The following NEDD4L variants were observed in gnomAD, a reference collection of about 807,000 sequenced individuals.
NEDD4L encodes E3 ubiquitin-protein ligase NEDD4-like.
A neutral mutation model predicts 148.9 loss-of-function variants in NEDD4L; 54 were observed. The observed-to-expected ratio is 0.36, with a 90% confidence interval of 0.29 to 0.45. NEDD4L has a LOEUF of 0.45. Ranked by LOEUF, NEDD4L falls within the 20% of genes least tolerant of loss-of-function variation. The pLI is 1.00. For missense variants in NEDD4L, 856 were observed against 1,233.8 expected (o/e 0.69, Z 4.59); for synonymous variants, 433 against 440.7 (o/e 0.98, Z 0.22).
At position 58,394,735 on chromosome 18, in the gene NEDD4L, A is replaced by G. The variant is rs878912061; in HGVS notation, c.2826-1432A>G. Among the ~76,000 whole-genome samples the G allele has an allele frequency of 3.9e-5, 6 of 152,312 alleles. No homozygotes were observed. In the East Asian group the frequency reaches 1.2e-3, roughly 29 times the overall value. ...ACTCAGTGGGACTTATTCAATATTT[A>G]GTGGTTGTTAAACGGCCCTCTACGG... On this transcript the variant is annotated intron_variant, in intron 30 of 30. Coordinates refer to ENST00000400345, the MANE Select transcript of NEDD4L (RefSeq NM_001144967.3).
At chr18:58,070,443 A>AT (rs147788139) in intron 1 of NEDD4L, among the ~76,000 whole-genome samples, 3 of 151,540 alleles carry the variant, frequency 2.0e-5, no homozygotes, top group South Asian at 2.1e-4. Flanking sequence ...TAATCTTTTA[A>AT]TTTTTTTTGT....
rs554821106 is a variant in NEDD4L at position 58,141,481 on chromosome 18, G to T, written c.49-24307G>T. Among the ~76,000 whole-genome samples the T allele has an allele frequency of 3.9e-5, 6 of 152,120 alleles. No individual in the cohort carries two copies. In the East Asian group the frequency reaches 1.2e-3, roughly 29 times the overall value. On this transcript the variant is annotated intron_variant, in intron 1 of 30. Coordinates refer to ENST00000400345, the MANE Select transcript of NEDD4L (RefSeq NM_001144967.3). ...TTGATTCCTTTGAAAGACAATTTTT[G>T]GGTTTTTTTTGTTTTTTTTAAAAAA...
intron 1 of NEDD4L, among the ~76,000 whole-genome samples, chr18:58,084,707 G>GTGTGTGTGTGTGTA (rs1294657103): frequency 6.6e-6 from 1 of 151,442 alleles, no homozygotes; most frequent in Non-Finnish European, 1.5e-5. Context: ...GTGTGTGTGT[G>GTGTGTGTGTGTGTA]TGTTTGAGAC....
intron 1 of NEDD4L, among the ~76,000 whole-genome samples, chr18:58,087,498 C>T (rs1048575788): frequency 6.6e-6 from 1 of 152,152 alleles, no homozygotes; most frequent in Admixed American, 6.5e-5. Flanking sequence ...AGCAAGCATA[C>T]CAATTCCAGT....
At chr18:58,376,937 G>A (rs1466076886) in intron 24 of NEDD4L, among the ~76,000 whole-genome samples, 1 of 152,196 alleles carries the variant, frequency 6.6e-6, no homozygotes, top group African/African-American at 2.4e-5. Context: ...CTCCCTCCCA[G>A]TCTCAGTTCA....
At chr18:58,188,731 A>G (rs1167102512) in intron 2 of NEDD4L, among the ~76,000 whole-genome samples, 2 of 152,276 alleles carry the variant, frequency 1.3e-5, no homozygotes, top group Non-Finnish European at 2.9e-5. Context: ...GAATAATGGA[A>G]GCTAAGCAGA....
At chr18:58,283,552 A>G (rs1413124583) in intron 5 of NEDD4L, among the ~76,000 whole-genome samples, 3 of 152,202 alleles carry the variant, frequency 2.0e-5, no homozygotes, top group African/African-American at 4.8e-5. Flanking sequence ...AAAGACTACA[A>G]TACTATCCCT....
At chr18:58,223,549 CCAGGCA>C (rs2044006985) in intron 2 of NEDD4L, among the ~76,000 whole-genome samples, 1 of 152,118 alleles carries the variant, frequency 6.6e-6, no homozygotes, top group Non-Finnish European at 1.5e-5. Flanking sequence ...ATGTTTCATT[CCAGGCA>C]ATGTTTATTT....
chr18:58,324,180 C>T (rs2059103150), intron 8 of NEDD4L, among the ~76,000 whole-genome samples: 1 of 152,172 alleles, frequency 6.6e-6, no homozygotes, highest in Non-Finnish European at 1.5e-5. Context: ...ATAAGCATGT[C>T]AACAGATTTT....
intron 28 of NEDD4L, 36 bp from the exon 29 acceptor site, chr18:58,390,601 ATGGGTCACG>A: frequency 8.1e-7 from 1 of 1,234,870 alleles, no homozygotes; most frequent in South Asian, 1.3e-5. Flanking sequence ...AGCATGTGCC[ATGGGTCACG>A]TGGGGGGTAT....
intron 1 of NEDD4L, among the ~76,000 whole-genome samples, chr18:58,147,244 G>A (rs983657499): frequency 5.3e-5 from 8 of 152,176 alleles, no homozygotes; most frequent in African/African-American, 1.4e-4. Flanking sequence ...CAATGCAGGC[G>A]GCACTGGTAA....
intron 5 of NEDD4L, among the ~76,000 whole-genome samples, chr18:58,294,144 C>T (rs1175543648): frequency 2.6e-5 from 4 of 152,254 alleles, no homozygotes; most frequent in East Asian, 1.9e-4. Flanking sequence ...GATAAGGAAT[C>T]GATATCACGG....
intron 2 of NEDD4L, among the ~76,000 whole-genome samples, chr18:58,192,004 C>G (rs2040172529): frequency 1.3e-5 from 2 of 152,204 alleles, no homozygotes; most frequent in South Asian, 4.2e-4. Context: ...AACTCCATCT[C>G]TACAAAAAAT....
intron 1 of NEDD4L, among the ~76,000 whole-genome samples, chr18:58,159,377 C>T (rs1049000611): frequency 3.9e-5 from 6 of 152,048 alleles, no homozygotes; most frequent in South Asian, 2.1e-4. Flanking sequence ...AAGAGTGAGC[C>T]CTAAGGTAAA....
intron 1 of NEDD4L, among the ~76,000 whole-genome samples, chr18:58,138,955 G>T (rs973402842): frequency 6.6e-6 from 1 of 152,182 alleles, no homozygotes; most frequent in Non-Finnish European, 1.5e-5. Flanking sequence ...TCACCAGGAT[G>T]CCTGGAGCCC....
chr18:58,371,380 G>A (rs890036530), intron 23 of NEDD4L, among the ~76,000 whole-genome samples: 5 of 151,986 alleles, frequency 3.3e-5, no homozygotes, highest in African/African-American at 1.2e-4. Flanking sequence ...AAAAATTGAT[G>A]TTCTTTTTAT....
intron 5 of NEDD4L, among the ~76,000 whole-genome samples, chr18:58,287,515 G>A (rs749958192): frequency 3.9e-5 from 6 of 152,122 alleles, no homozygotes; most frequent in Non-Finnish European, 7.3e-5. Context: ...TCTGGGCAAC[G>A]TGGAATTAGA....
rs150441212 is a variant in NEDD4L, at chr18:58,389,796, A to G, written c.2655+604A>G. Among the ~76,000 whole-genome samples the G allele has an allele frequency of 3.2e-3, 478 of 150,440 alleles. 9 individuals carry two copies. The highest frequency in any genetic ancestry group is 0.021 in the Middle Eastern group (6 of 286). On this transcript the variant is annotated intron_variant, in intron 28 of 30. Coordinates refer to ENST00000400345, the MANE Select transcript of NEDD4L (RefSeq NM_001144967.3). ...AAGGCTGATTATTTACTTCACCCCA[A>G]AAAGGAATCATTTAACTTTTTCAAA...
chr18:58,349,680 T>A, intron 17 of NEDD4L, 66 bp downstream of exon 17: 1 of 1,278,346 alleles, frequency 7.8e-7, no homozygotes. Flanking sequence ...TCAATGTTGA[T>A]GGAGAGGCCC....
Sources: allele counts gnomAD v4.1 joint callset (sites outside exome capture counted in the v4.1 genomes callset), GRCh38; gene constraint gnomAD v4.1.1; transcripts MANE v1.5; gene names NCBI Gene and HGNC (gene_info 2026-07-23, HGNC 2026-07-21).